The following MIR2052HG variants were observed in gnomAD, a reference collection of about 807,000 sequenced individuals.
The protein encoded by MIR2052HG is MIR2052 host gene.
chr8:74,633,408 A>G (rs774221055), intron 2 of MIR2052HG: 1 of 152,142 alleles, frequency 6.6e-6, no homozygotes, highest in Non-Finnish European at 1.5e-5. Flanking sequence ...GTTCTTAGGC[A>G]TTATGACTTG....
chr8:74,726,117 C>T (rs765329953), intron 4 of MIR2052HG, among the ~76,000 whole-genome samples: 27 of 152,140 alleles, frequency 1.8e-4, no homozygotes, highest in East Asian at 7.7e-4. Flanking sequence ...TGCTTGAATC[C>T]GGGAGGCGGA....
In MIR2052HG at chr8:74,602,817, GTTTCTTTCTTTCTTTCTTTCTTTCTTTC is replaced by G. The variant is rs58455200; in HGVS notation, n.128+2941_128+2968del. Among the ~76,000 whole-genome samples the G allele has an allele frequency of 6.8e-5, 5 of 73,786 alleles. 1 individual carries two copies. Among genetic ancestry groups the G allele is most frequent in the African/African-American group, 1.3e-4 (2 of 15,794 alleles). The allele number at this position is 73,786 out of a possible 152,430, so 48.4% of individuals were successfully genotyped here. On this transcript the variant is annotated intron_variant and non_coding_transcript_variant, in intron 1 of 6. Transcript: ENST00000523442. ...GATGTGAGCTGCCATGCCCGGCCGT[GTTTCTTTCTTTCTTTCTTTCTTTCTTTC>G]TTTCTTTCTTTCTTTCTTTCTTTCT...
intron 2 of MIR2052HG, among the ~76,000 whole-genome samples, chr8:74,695,872 A>T (rs1214655656): frequency 6.6e-6 from 1 of 152,154 alleles, no homozygotes; most frequent in Non-Finnish European, 1.5e-5. Context: ...ACACAATAAT[A>T]GTGGGGGACT....
At chr8:74,629,813 A>G (rs943437680) in intron 2 of MIR2052HG, among the ~76,000 whole-genome samples, 1 of 152,104 alleles carries the variant, frequency 6.6e-6, no homozygotes, top group South Asian at 2.1e-4. Flanking sequence ...TTGAATAGGG[A>G]TGTTTCCCCA....
chr8:74,601,148 C>A (rs1807994399), intron 1 of MIR2052HG, among the ~76,000 whole-genome samples: 1 of 152,140 alleles, frequency 6.6e-6, no homozygotes, highest in South Asian at 2.1e-4. Context: ...TCCTCAATTT[C>A]TTCTTAATTA....
chr8:74,642,226 T>C (rs141520644), intron 2 of MIR2052HG, among the ~76,000 whole-genome samples: 13 of 152,292 alleles, frequency 8.5e-5, no homozygotes, highest in African/African-American at 3.1e-4. Context: ...AAATTTGTCA[T>C]GCTAGTTTTA....
chr8:74,741,324 A>G lies in MIR2052HG; in HGVS notation n.372-11117A>G, dbSNP rs545243295. 3.9e-5 allele frequency among the ~76,000 whole-genome samples: 6 copies of G among 152,342 alleles called. No homozygotes were observed. In the East Asian group the frequency reaches 1.2e-3, roughly 29 times the overall value. On this transcript the variant is annotated intron_variant and non_coding_transcript_variant, in intron 4 of 6. Transcript: ENST00000523442. ...AGGTACTTTAAAAATTTTCCTGTACAGAACTTGCCTTGCCTGCATGTTTAG... is the reference window on the plus strand; with the variant it reads ...AGGTACTTTAAAAATTTTCCTGTACGGAACTTGCCTTGCCTGCATGTTTAG...
At chr8:74,651,377 T>A (rs1461339584) in intron 2 of MIR2052HG, among the ~76,000 whole-genome samples, 1 of 152,130 alleles carries the variant, frequency 6.6e-6, no homozygotes, top group African/African-American at 2.4e-5. Context: ...TGGTTAGAAG[T>A]CTGTATGAAA....
intron 3 of MIR2052HG, chr8:74,703,596 TG>T (rs2128741058): frequency 2.2e-6 from 1 of 450,184 alleles, no homozygotes; most frequent in Admixed American, 2.4e-5. Flanking sequence ...ATTCTGCTAT[TG>T]TTTTTCAGGT....
intron 4 of MIR2052HG, among the ~76,000 whole-genome samples, chr8:74,726,213 C>T (rs1809634252): frequency 6.6e-6 from 1 of 152,040 alleles, no homozygotes; most frequent in Non-Finnish European, 1.5e-5. Flanking sequence ...AAGAATTAAT[C>T]TTGATAGTCA....
At chr8:74,678,187 A>G (rs1377704290) in intron 2 of MIR2052HG, among the ~76,000 whole-genome samples, 3 of 152,212 alleles carry the variant, frequency 2.0e-5, no homozygotes, top group African/African-American at 7.2e-5. Flanking sequence ...CAACTGCCTC[A>G]GATGACTTTA....
chr8:74,737,430 C>T (rs992452675), intron 4 of MIR2052HG, among the ~76,000 whole-genome samples: 1 of 152,124 alleles, frequency 6.6e-6, no homozygotes, highest in Non-Finnish European at 1.5e-5. Flanking sequence ...TCCCTGCTTT[C>T]GATCTTTTGT....
In MIR2052HG at chr8:74,673,310, A is replaced by C. The variant is rs537504539; in HGVS notation, n.217-29069A>C. Among the ~76,000 whole-genome samples the C allele has an allele frequency of 4.6e-5, 7 of 152,162 alleles. No individual in the cohort carries two copies. In the East Asian group the frequency reaches 1.4e-3, roughly 29 times the overall value. On this transcript the variant is annotated intron_variant and non_coding_transcript_variant, in intron 2 of 6. Transcript: ENST00000523442. ...CTCCCTGCTAGTTTAATGAGTCCTT[A>C]GGGAGTCTCTCATGAGCACCTAGAG...
chr8:74,743,508 T>C (rs756770614), intron 4 of MIR2052HG, among the ~76,000 whole-genome samples: 7 of 152,220 alleles, frequency 4.6e-5, no homozygotes, highest in Non-Finnish European at 1.0e-4. Context: ...AAGTGTAATC[T>C]GAGAGTCTTT....
intron 2 of MIR2052HG, among the ~76,000 whole-genome samples, chr8:74,641,604 A>T (rs536886698): frequency 1.7e-4 from 26 of 148,964 alleles, no homozygotes; most frequent in African/African-American, 5.9e-4. Flanking sequence ...ATTGTGGTCC[A>T]TTTTTTTTTT....
At chr8:74,694,247 C>T (rs973213694) in intron 2 of MIR2052HG, among the ~76,000 whole-genome samples, 1 of 152,196 alleles carries the variant, frequency 6.6e-6, no homozygotes, top group Admixed American at 6.5e-5. Flanking sequence ...TGGTGAAACT[C>T]AGCAGAGAAA....
intron 2 of MIR2052HG, among the ~76,000 whole-genome samples, chr8:74,619,814 C>A (rs974144669): frequency 1.3e-5 from 2 of 152,048 alleles, no homozygotes; most frequent in African/African-American, 4.8e-5. Context: ...TTGCTCTGGC[C>A]CCTCCCAAAT....
At chr8:74,749,019 C>T (rs749983632) in intron 4 of MIR2052HG, among the ~76,000 whole-genome samples, 2 of 151,944 alleles carry the variant, frequency 1.3e-5, no homozygotes. Context: ...TTGCATGCCT[C>T]TTGGATGCCA....
intron 4 of MIR2052HG, among the ~76,000 whole-genome samples, chr8:74,734,270 T>A (rs1333898803): frequency 6.6e-6 from 1 of 152,228 alleles, no homozygotes; most frequent in African/African-American, 2.4e-5. Context: ...CTTCTAGGAT[T>A]GTTTTGGCAA....
Sources: gnomAD v4.1 joint callset for allele counts (sites outside exome capture counted in the v4.1 genomes callset) on GRCh38, gnomAD v4.1.1 for gene constraint, MANE v1.5 for transcripts, NCBI Gene and HGNC (gene_info 2026-07-23, HGNC 2026-07-21) for gene names.